Variants in TNRC6B observed in about 807,000 individuals in gnomAD.
TNRC6B encodes trinucleotide repeat containing adaptor 6B.
TNRC6B carries 52 observed loss-of-function variants against 203.6 expected under a neutral mutation model. The observed-to-expected ratio is 0.26, with a 90% confidence interval of 0.20 to 0.32. TNRC6B has a LOEUF of 0.32. Ranked by LOEUF, TNRC6B falls within the 10% of genes least tolerant of loss-of-function variation. TNRC6B has a pLI of 1.00. For missense variants in TNRC6B, 1,923 were observed against 2,286.2 expected (o/e 0.84, Z 3.24); for synonymous variants, 838 against 845.7 (o/e 0.99, Z 0.16).
intron 15 of TNRC6B, among the ~76,000 whole-genome samples, chr22:40,302,491 G>A (rs965140958): frequency 1.3e-5 from 2 of 152,094 alleles, no homozygotes; most frequent in Non-Finnish European, 2.9e-5. Context: ...AAATTAGCCG[G>A]ACGTTGTGGC....
intron 1 of TNRC6B, among the ~76,000 whole-genome samples, chr22:40,105,954 A>T (rs2068279234): frequency 6.6e-6 from 1 of 152,166 alleles, no homozygotes; most frequent in Admixed American, 6.5e-5. Flanking sequence ...TCAGACTTTG[A>T]TGTTTTTAGC....
chr22:40,151,747 C>G (rs1004573193), intron 3 of TNRC6B, among the ~76,000 whole-genome samples: 8 of 150,268 alleles, frequency 5.3e-5, no homozygotes, highest in African/African-American at 2.0e-4. Context: ...GTTGAGAGAA[C>G]CTCCCAGAAA....
In TNRC6B at chr22:40,111,874, G is replaced by A. The variant is rs552706229; in HGVS notation, c.-120-5181G>A. On this transcript the variant is annotated intron_variant, in intron 1 of 23. Coordinates refer to the TNRC6B transcript ENST00000301923. ...TCCCAGCACTTTGGGAGGCCGAGGC[G>A]GGTGGATCACGAGGTCAGGAGTTCA... Among the ~76,000 whole-genome samples, 486 of 152,284 alleles carry A rather than the reference G, an allele frequency of 3.2e-3. 4 individuals carry two copies. Among genetic ancestry groups the A allele is most frequent in the African/African-American group, 0.011 (467 of 41,552 alleles).
intron 1 of TNRC6B, among the ~76,000 whole-genome samples, chr22:40,047,122 A>G (rs1362874333): frequency 6.6e-6 from 1 of 152,150 alleles, no homozygotes; most frequent in African/African-American, 2.4e-5. Flanking sequence ...AGGGATCTCC[A>G]GGAGCCACAC....
At chr22:40,133,555 G>C (rs2146331597) in intron 3 of TNRC6B, among the ~76,000 whole-genome samples, 1 of 152,302 alleles carries the variant, frequency 6.6e-6, no homozygotes, top group East Asian at 1.9e-4. Flanking sequence ...GTCCACAATG[G>C]AGAGGGAACA....
chr22:40,094,271 C>T (rs1410811516), intron 1 of TNRC6B, among the ~76,000 whole-genome samples: 2 of 151,794 alleles, frequency 1.3e-5, no homozygotes, highest in African/African-American at 4.8e-5. Flanking sequence ...GCCATCATTC[C>T]TAAGACATAT....
At chr22:40,257,741 G>A (rs534335657) in intron 3 of TNRC6B, among the ~76,000 whole-genome samples, 2 of 151,372 alleles carry the variant, frequency 1.3e-5, no homozygotes, top group Non-Finnish European at 2.9e-5. Flanking sequence ...ATGAATGGAC[G>A]GCCAGGTGCG....
At chr22:40,221,751 G>GCCC (rs1239327384) in intron 1 of TNRC6B, among the ~76,000 whole-genome samples, 7,543 of 111,714 alleles carry the variant, frequency 0.068, 274 homozygotes, top group Non-Finnish European at 0.09. Flanking sequence ...CCTTCTTATT[G>GCCC]CCCCCCCCCC....
intron 1 of TNRC6B, among the ~76,000 whole-genome samples, chr22:40,195,830 C>T (rs1300941068): frequency 1.3e-5 from 2 of 152,308 alleles, no homozygotes; most frequent in Admixed American, 6.5e-5. Context: ...AGTGCAGTGG[C>T]GCAATATCAG....
chr22:40,059,846 C>T (rs1350903861), intron 1 of TNRC6B, among the ~76,000 whole-genome samples: 3 of 138,346 alleles, frequency 2.2e-5, no homozygotes, highest in Admixed American at 1.5e-4. Context: ...CCCCCCGAGA[C>T]GGAGTCTCGC....
intron 1 of TNRC6B, among the ~76,000 whole-genome samples, chr22:40,061,421 C>T (rs1369000599): frequency 6.6e-6 from 1 of 151,420 alleles, no homozygotes; most frequent in African/African-American, 2.4e-5. Context: ...CAGGGTTTCA[C>T]CATGTTGGCC....
intron 11 of TNRC6B, among the ~76,000 whole-genome samples, chr22:40,284,070 A>C (rs1393656982): frequency 1.3e-5 from 2 of 152,254 alleles, no homozygotes; most frequent in African/African-American, 2.4e-5. Flanking sequence ...GCTACTGACT[A>C]CCACGATCTG....
At chr22:40,222,852 C>G (rs2146438449) in intron 1 of TNRC6B, among the ~76,000 whole-genome samples, 1 of 146,720 alleles carries the variant, frequency 6.8e-6, no homozygotes, top group Non-Finnish European at 1.5e-5. Flanking sequence ...CTCAGGCAAT[C>G]CGCCTGCCTC....
At chr22:40,232,269 T>C (rs1288542939) in intron 1 of TNRC6B, among the ~76,000 whole-genome samples, 1 of 152,198 alleles carries the variant, frequency 6.6e-6, no homozygotes, top group Non-Finnish European at 1.5e-5. Context: ...TTGGTTGCCT[T>C]GCCCGGTAAT....
chr22:40,115,548 A>T (rs1335796882), intron 1 of TNRC6B, among the ~76,000 whole-genome samples: 2 of 152,288 alleles, frequency 1.3e-5, no homozygotes, highest in African/African-American at 4.8e-5. Context: ...GCTTATGTTT[A>T]TTGGACTCTA....
intron 1 of TNRC6B, among the ~76,000 whole-genome samples, chr22:40,088,167 C>T (rs1450071749): frequency 3.9e-5 from 6 of 152,114 alleles, no homozygotes; most frequent in Non-Finnish European, 7.3e-5. Flanking sequence ...TCGTCTCATC[C>T]TCACAGCGAC....
chr22:40,241,455 T>G (rs2070027904), intron 1 of TNRC6B, among the ~76,000 whole-genome samples: 1 of 152,232 alleles, frequency 6.6e-6, no homozygotes, highest in Admixed American at 6.5e-5. Context: ...CCTCAATCTT[T>G]CCTTGACTGT....
chr22:40,270,249 G>A lies in TNRC6B; in HGVS notation c.2934G>A (p.Thr978=), dbSNP rs765675735. 10 of 1,480,716 alleles carry A rather than the reference G, an allele frequency of 6.8e-6. No individual in the cohort carries two copies. The highest frequency in any genetic ancestry group is 2.7e-5 in the East Asian group (1 of 36,526). The allele number at this position is 1,480,716 out of a possible 1,614,324, so 91.7% of individuals were successfully genotyped here. Residue 978 remains threonine (T), a synonymous_variant, in exon 6 of 23, where the codon ACG becomes ACA. Coordinates refer to ENST00000454349, the MANE Select transcript of TNRC6B (RefSeq NM_001162501.2). ...CATCGACCACAGGCTGGGGGAACAC[G>A]CCCGCCAACGCTCCCAATGCCATGA... ...TGASTTGWGN[T]PANAPNAMKP...
intron 16 of TNRC6B, among the ~76,000 whole-genome samples, chr22:40,310,331 G>C (rs1258542077): frequency 6.6e-6 from 1 of 152,200 alleles, no homozygotes; most frequent in Admixed American, 6.5e-5. Flanking sequence ...TGGACTCTCT[G>C]TTTACACTGC....
Sources: allele counts gnomAD v4.1 joint callset (sites outside exome capture counted in the v4.1 genomes callset), GRCh38; gene constraint gnomAD v4.1.1; transcripts MANE v1.5; gene names NCBI Gene and HGNC (gene_info 2026-07-23, HGNC 2026-07-21).